Variants in AKAP8L observed in about 807,000 individuals in gnomAD.
AKAP8L encodes A-kinase anchor protein 8-like.
Under a neutral mutation model 77.5 loss-of-function variants are expected in AKAP8L, and 34 were observed. That is an observed-to-expected ratio of 0.44 (90% confidence interval 0.33 to 0.58). AKAP8L has a LOEUF of 0.58. AKAP8L is among the 20% of genes least tolerant of loss of function. The probability of loss-of-function intolerance (pLI) is 0.02; values close to 1 mark genes in which losing one functional copy is unlikely to be tolerated. For synonymous variants in AKAP8L, 342 were observed against 340.7 expected, an observed-to-expected ratio of 1.00 and a Z score of -0.04; for missense variants, 806 against 887.6, an observed-to-expected ratio of 0.91 and a Z score of 1.17.
chr19:15,381,138 A>G (rs915792550), intron 12 of AKAP8L: 3 of 153,490 alleles, frequency 2.0e-5, no homozygotes, highest in African/African-American at 7.2e-5. Flanking sequence ...CTGTTTCCGT[A>G]TTTTTTGGAA....
In AKAP8L at chr19:15,398,057, C is replaced by T. The variant is rs554286709; in HGVS notation, c.1158-202G>A. 2.5e-4 allele frequency: 156 copies of T among 612,258 alleles called. 2 individuals carry two copies. In the South Asian group the frequency reaches 2.7e-3, roughly 10 times the overall value. The allele number at this position is 612,258 out of a possible 1,614,324, so 37.9% of individuals were successfully genotyped here. A position where few individuals can be genotyped will look rare whatever the true frequency, so the allele number is the denominator to read the frequency against. ...AGTCTGCAGGCTGCAGTTACTGCAACGTAGGGGACAGGGGAGGAGCTCTTC... is the reference window on the plus strand; with the variant it reads ...AGTCTGCAGGCTGCAGTTACTGCAATGTAGGGGACAGGGGAGGAGCTCTTC... On this transcript the variant is annotated intron_variant, in intron 9 of 13. Transcript: ENST00000397410. The surrounding 1 kb of genome is among the most constrained non-coding windows in gnomAD (Gnocchi z 9.2).
At chr19:15,387,414 G>A (rs557179455) in intron 12 of AKAP8L, among the ~76,000 whole-genome samples, 4 of 151,932 alleles carry the variant, frequency 2.6e-5, no homozygotes, top group South Asian at 2.1e-4. Flanking sequence ...GGAGACTAGG[G>A]AGGAAAAAAA....
In AKAP8L at chr19:15,397,594, T is replaced by C. The variant is rs1309504019; in HGVS notation, c.1331A>G (p.Glu444Gly). ...EYVTNKTKKT[E>G]ELRKTVEDLD... ...GTCCTCCACGGTTTTTCGGAGCTCC[T>C]CTGTCTTCTTGGTCTTGTTAGTGAC... The change falls in exon 11 of 14, where the codon GAG becomes GGG. Residue 444 changes from glutamate to glycine, a missense_variant. Transcript: ENST00000397410. The surrounding 1 kb of genome is among the most constrained non-coding windows in gnomAD (Gnocchi z 4.7). 1.2e-6 allele frequency: 2 copies of C among 1,613,936 alleles called. No individual in the cohort carries two copies. Among genetic ancestry groups the C allele is most frequent in the Non-Finnish European group, 1.7e-6 (2 of 1,179,880 alleles).
At chr19:15,417,331 A>G (rs572865984) in intron 1 of AKAP8L, among the ~76,000 whole-genome samples, 28 of 152,338 alleles carry the variant, frequency 1.8e-4, no homozygotes, top group African/African-American at 6.5e-4. Context: ...ACAACCCCAT[A>G]GTCTTTCCTC....
chr19:15,416,756 C>A (rs759285359), intron 1 of AKAP8L, among the ~76,000 whole-genome samples: 6 of 152,206 alleles, frequency 3.9e-5, no homozygotes, highest in Non-Finnish European at 7.3e-5. Context: ...CCACTGCTCT[C>A]CTCTTCCCCT....
rs1968275984 is a variant in AKAP8L, at chr19:15,418,972, A to T, written c.-49T>A. On this transcript the variant is annotated 5_prime_UTR_variant, in exon 1 of 14. Transcript: ENST00000397410. ...ACGACGCCGGCTTCTGCTGCTCTGA[A>T]CATCCGACGCTGCGATAGCTGCTGC... 1 of 1,602,732 alleles carries T rather than the reference A, an allele frequency of 6.2e-7. No homozygotes were observed. The highest frequency in any genetic ancestry group is 1.3e-5 in the African/African-American group (1 of 74,888).
At chr19:15,400,171 C>A in intron 8 of AKAP8L, 124 bp downstream of exon 8, 2 of 958,292 alleles carry the variant, frequency 2.1e-6, no homozygotes, top group East Asian at 2.4e-5. Context: ...AGCACACACT[C>A]GGGCCCACAA....
intron 2 of AKAP8L, among the ~76,000 whole-genome samples, chr19:15,409,798 C>CT (rs1568272972): frequency 6.6e-6 from 1 of 152,182 alleles, no homozygotes; most frequent in Admixed American, 6.6e-5. Flanking sequence ...TCACTCAACT[C>CT]TGTGTGTGTG....
rs1233173090 is a variant in AKAP8L at position 15,410,468 on chromosome 19, C to CA, written c.88+51dup. On this transcript the variant is annotated intron_variant, in intron 2 of 13. Coordinates refer to ENST00000397410, the MANE Select transcript of AKAP8L (RefSeq NM_014371.4). ...GCAAAGCCAAAGGCAACTAAGAAGACAAGGAACTGCTCTGCAGAACACTTT... is the reference window on the plus strand; with the variant it reads ...GCAAAGCCAAAGGCAACTAAGAAGACAAAGGAACTGCTCTGCAGAACACTTT... The CA allele has an allele frequency of 2.7e-6, 4 of 1,482,590 alleles. No homozygotes were observed. In the East Asian group the frequency reaches 9.8e-5, roughly 36 times the overall value. 91.8% of individuals were successfully genotyped at this position (1,482,590 alleles called of 1,614,324 possible). A position where few individuals can be genotyped will look rare whatever the true frequency, so the allele number is the denominator to read the frequency against.
intron 2 of AKAP8L, among the ~76,000 whole-genome samples, chr19:15,410,242 C>T (rs1476440893): frequency 1.3e-5 from 2 of 152,192 alleles, no homozygotes; most frequent in Non-Finnish European, 2.9e-5. Flanking sequence ...CGCGCCTGGC[C>T]TCCTTTGGAC....
chr19:15,395,315 G>GT (rs995576603), intron 12 of AKAP8L, among the ~76,000 whole-genome samples: 3 of 150,816 alleles, frequency 2.0e-5, no homozygotes, highest in African/African-American at 4.9e-5. Context: ...CATTGTTTTG[G>GT]TTTTTTTGTT....
chr19:15,417,715 C>T (rs1007428128), intron 1 of AKAP8L: 1 of 152,264 alleles, frequency 6.6e-6, no homozygotes, highest in African/African-American at 2.4e-5. Flanking sequence ...GCCCCACAGA[C>T]TCACGTTGCA....
In AKAP8L at chr19:15,401,492, C is replaced by T. The variant is rs1199152452; in HGVS notation, c.474G>A (p.Glu158=). ...ELDPEMEMAY[E]GQYDAYRDQF... Reference sequence around the variant, plus strand: ...GGTCGCGGTAGGCATCGTATTGGCCCTCATAGGCCATTTCCATCTCAGGGT... The same window carrying T: ...GGTCGCGGTAGGCATCGTATTGGCCTTCATAGGCCATTTCCATCTCAGGGT... The change falls in exon 5 of 14, where the codon GAG becomes GAA. Residue 158 remains glutamate, a synonymous_variant. Transcript: ENST00000397410. The surrounding 1 kb of genome is among the most constrained non-coding windows in gnomAD (Gnocchi z 6.2). 1.9e-6 allele frequency: 3 copies of T among 1,613,778 alleles called. No individual in the cohort carries two copies. Among genetic ancestry groups the T allele is most frequent in the African/African-American group, 1.3e-5 (1 of 74,952 alleles).
Position 15,397,972 on chromosome 19 carries a change from T to A in AKAP8L, c.1158-117A>T. 1 of 1,317,754 alleles carries A rather than the reference T, an allele frequency of 7.6e-7. No homozygotes were observed. The highest frequency in any genetic ancestry group is 1.0e-6 in the Non-Finnish European group (1 of 961,884). 81.6% of individuals were successfully genotyped at this position (1,317,754 alleles called of 1,614,324 possible). On this transcript the variant is annotated intron_variant, in intron 9 of 13. Transcript: ENST00000397410. This position sits in a 1 kb window ranked among gnomAD's most constrained non-coding sequence, Gnocchi z 4.7. The stretch of plus-strand genomic sequence containing the variant: ...AGGCCTTGCTCACGGGCCTCTGAAG[T>A]ACGGTCCCAGCAGAGGGACAGGCTG...
rs1253723852 is a variant in AKAP8L, at chr19:15,418,988, T to A, written c.-65A>T. On this transcript the variant is annotated 5_prime_UTR_variant, in exon 1 of 14. Coordinates refer to ENST00000397410, the MANE Select transcript of AKAP8L (RefSeq NM_014371.4). The stretch of plus-strand genomic sequence containing the variant: ...CTGCTCTGAACATCCGACGCTGCGA[T>A]AGCTGCTGCTAACCACAGGGTCCCC... 8 of 1,599,630 alleles carry A rather than the reference T, an allele frequency of 5.0e-6. No homozygotes were observed. In the African/African-American group the frequency reaches 9.3e-5, roughly 19 times the overall value.
At position 15,400,964 on chromosome 19, in the gene AKAP8L, T is replaced by C; in HGVS notation, c.896A>G (p.Asn299Ser). ...SKATRTDCSD[N>S]SDSDNDEGTE... is the part of the protein sequence containing the mutation. ...GGGCTCACCATTGTCTGAGTCGCTG[T>C]TGTCCGAGCAGTCCGTGCGGGTGGC... The change falls in exon 6 of 14, where the codon AAC becomes AGC. Residue 299 changes from asparagine (N) to serine (S), a missense_variant. By Grantham distance (46) the Asn-to-Ser change is conservative (BLOSUM62 1). Transcript: ENST00000397410. The C allele has an allele frequency of 1.2e-6, 2 of 1,614,012 alleles. No homozygotes were observed. Among genetic ancestry groups the C allele is most frequent in the East Asian group, 2.2e-5 (1 of 44,870 alleles).
At chr19:15,410,331 C>T (rs1353645988) in intron 2 of AKAP8L, among the ~76,000 whole-genome samples, 189 bp downstream of exon 2, 1 of 152,224 alleles carries the variant, frequency 6.6e-6, no homozygotes, top group Non-Finnish European at 1.5e-5. Flanking sequence ...GCCTAACTTG[C>T]TCAGGAACAC....
intron 2 of AKAP8L, among the ~76,000 whole-genome samples, chr19:15,410,133 G>A (rs998310449): frequency 6.6e-6 from 1 of 152,036 alleles, no homozygotes. Context: ...AGTATAGATG[G>A]CATTTCACCA....
In AKAP8L at chr19:15,403,180, G is replaced by C. The variant is rs950214373; in HGVS notation, c.362+295C>G. 10 of 444,590 alleles carry C rather than the reference G, an allele frequency of 2.2e-5. No homozygotes were observed. The highest frequency in any genetic ancestry group is 2.0e-4 in the African/African-American group (10 of 50,100). The allele number at this position is 444,590 out of a possible 1,614,324, so 27.5% of individuals were successfully genotyped here. ...CCAAATGGCTGTCCTTGGAGGGAGG[G>C]GTGGCTGAACACTCTGTTTTTGAGG... On this transcript the variant is annotated intron_variant, in intron 4 of 13. Coordinates refer to ENST00000397410, the MANE Select transcript of AKAP8L (RefSeq NM_014371.4). The surrounding 1 kb of genome is among the most constrained non-coding windows in gnomAD (Gnocchi z 4.3).
Sources: allele counts gnomAD v4.1 joint callset (sites outside exome capture counted in the v4.1 genomes callset), GRCh38; gene constraint gnomAD v4.1.1; non-coding constraint Gnocchi (gnomAD v3.1); transcripts MANE v1.5; gene names NCBI Gene and HGNC (gene_info 2026-07-23, HGNC 2026-07-21).